NKAIN3: variants seen among roughly 807,000 people sequenced by gnomAD.
The protein encoded by NKAIN3 is sodium/potassium-transporting ATPase subunit beta-1-interacting protein 3.
Under a neutral mutation model 30.2 loss-of-function variants are expected in NKAIN3, and 25 were observed. The observed-to-expected ratio is 0.83, with a 90% CI of 0.60 to 1.16. The LOEUF is 1.16. Among genes scored for constraint, NKAIN3 ranks in the 50% most tolerant of loss-of-function variants. NKAIN3 has a pLI of 0.00. For missense variants in NKAIN3, 225 were observed against 254.1 expected (o/e 0.89, Z 0.78); for synonymous variants, 91 against 89.6 (o/e 1.02, Z -0.09).
Position 62,895,233 on chromosome 8 carries a change from T to C in NKAIN3, c.472-23220T>C, listed in dbSNP as rs549672469. ...AACACAGTCACATTGCTTTTAACTC[T>C]ATCCTCCACATTCATTAGATTTCAG... On this transcript the variant is annotated intron_variant, in intron 4 of 6. Transcript: ENST00000623646. Among the ~76,000 whole-genome samples the C allele has an allele frequency of 2.6e-5, 4 of 152,348 alleles. No homozygotes were observed. In the South Asian group the frequency reaches 8.3e-4, roughly 32 times the overall value.
At chr8:62,491,978 T>C (rs908013711) in intron 1 of NKAIN3, among the ~76,000 whole-genome samples, 1 of 151,938 alleles carries the variant, frequency 6.6e-6, no homozygotes, top group African/African-American at 2.4e-5. Context: ...TCAAGAAAAA[T>C]GGGAACTAAA....
chr8:62,608,986 C>A (rs1048278997), intron 3 of NKAIN3, among the ~76,000 whole-genome samples: 3 of 152,086 alleles, frequency 2.0e-5, no homozygotes, highest in African/African-American at 7.2e-5. Flanking sequence ...GGCAGCATAA[C>A]AGAATGTTTT....
intron 4 of NKAIN3, among the ~76,000 whole-genome samples, chr8:62,753,468 C>A (rs1299933251): frequency 6.6e-6 from 1 of 151,974 alleles, no homozygotes; most frequent in African/African-American, 2.4e-5. Context: ...ACAATGAGAT[C>A]ATTTAAATTA....
rs139955260 is a variant in NKAIN3, at chr8:62,303,381, G to A, written c.54+54254G>A. Among the ~76,000 whole-genome samples the A allele has an allele frequency of 1.5e-3, 225 of 150,488 alleles. 20 individuals carry two copies. The highest frequency in any genetic ancestry group is 5.3e-3 in the African/African-American group (213 of 39,984). On this transcript the variant is annotated intron_variant, in intron 1 of 6. Transcript: ENST00000623646. ...ATTTCCTATCTCATGTATTTTTAAT[G>A]AGATCTTTCCTCCAAAAAGTTGTTT... is the stretch of plus-strand genomic sequence containing the variant.
At chr8:62,611,022 G>T (rs1811273090) in intron 3 of NKAIN3, among the ~76,000 whole-genome samples, 1 of 151,974 alleles carries the variant, frequency 6.6e-6, no homozygotes, top group Non-Finnish European at 1.5e-5. Flanking sequence ...AAATTTCAGT[G>T]GGGGAAAAAA....
At chr8:62,951,709 C>T (rs760641421) in intron 5 of NKAIN3, among the ~76,000 whole-genome samples, 4 of 152,160 alleles carry the variant, frequency 2.6e-5, no homozygotes, top group Non-Finnish European at 5.9e-5. Flanking sequence ...GCAATTCACC[C>T]ACCTTGGCCT....
intron 1 of NKAIN3, among the ~76,000 whole-genome samples, chr8:62,479,830 A>G (rs1806656561): frequency 6.6e-6 from 1 of 152,144 alleles, no homozygotes; most frequent in Non-Finnish European, 1.5e-5. Context: ...ACAAGCTCCA[A>G]TAGTTGCAAG....
At chr8:62,778,810 G>A (rs1817266138) in intron 4 of NKAIN3, among the ~76,000 whole-genome samples, 1 of 151,990 alleles carries the variant, frequency 6.6e-6, no homozygotes, top group Non-Finnish European at 1.5e-5. Context: ...AGCTGGGAAT[G>A]TGCTGGGTCA....
Position 62,410,304 on chromosome 8 carries a change from G to T in NKAIN3, c.54+161177G>T, listed in dbSNP as rs138823291. Among the ~76,000 whole-genome samples the T allele has an allele frequency of 1.1e-3, 166 of 152,226 alleles. 5 individuals are homozygous for T. In the East Asian group the frequency reaches 0.031, roughly 28 times the overall value. ...TGACATGATTTATTATTTTTTTGTG[G>T]CTGTGTAGTATTCCATGGTGTGTAT... On this transcript the variant is annotated intron_variant, in intron 1 of 6. Transcript: ENST00000623646.
intron 1 of NKAIN3, among the ~76,000 whole-genome samples, chr8:62,313,768 CAAA>C (rs1431578170): frequency 6.6e-6 from 1 of 152,108 alleles, no homozygotes. Flanking sequence ...TCAAAGAAGA[CAAA>C]CAGCACAACT....
chr8:62,557,565 A>G (rs1334669605), intron 1 of NKAIN3, among the ~76,000 whole-genome samples: 1 of 152,138 alleles, frequency 6.6e-6, no homozygotes, highest in African/African-American at 2.4e-5. Flanking sequence ...CCACGCCAGC[A>G]TCTACTGGTT....
At position 62,364,828 on chromosome 8, in the gene NKAIN3, C is replaced by CAAAAAAAAAAA. The variant is rs58784999; in HGVS notation, c.54+115714_54+115724dup. On this transcript the variant is annotated intron_variant, in intron 1 of 6. Coordinates refer to ENST00000623646, the MANE Select transcript of NKAIN3 (RefSeq NM_001304533.3). Reference sequence around the variant, plus strand: ...TGTGTGACAGAGCGAGACTCCACTACAAAAAAAAAAAAAAAAAAAAAAATC... The same window carrying CAAAAAAAAAAA: ...TGTGTGACAGAGCGAGACTCCACTACAAAAAAAAAAAAAAAAAAAAAAAAAAAAAAAAAATC... Among the ~76,000 whole-genome samples, 252 of 63,730 alleles carry CAAAAAAAAAAA rather than the reference C, an allele frequency of 4.0e-3. 55 individuals are homozygous for CAAAAAAAAAAA. The highest frequency in any genetic ancestry group is 0.022 in the South Asian group (25 of 1,126). The allele number at this position is 63,730 out of a possible 152,430, so 41.8% of individuals were successfully genotyped here.
chr8:62,413,842 T>G (rs1804343816), intron 1 of NKAIN3, among the ~76,000 whole-genome samples: 1 of 152,168 alleles, frequency 6.6e-6, no homozygotes, highest in Non-Finnish European at 1.5e-5. Flanking sequence ...AGTTATAACT[T>G]CTTATTCTAA....
chr8:62,358,797 CTT>C (rs372253063), intron 1 of NKAIN3, among the ~76,000 whole-genome samples: 1 of 152,300 alleles, frequency 6.6e-6, no homozygotes, highest in African/African-American at 2.4e-5. Context: ...GGCTTACAGA[CTT>C]TGTTAATTTA....
intron 3 of NKAIN3, among the ~76,000 whole-genome samples, chr8:62,707,852 G>A (rs1371425136): frequency 5.3e-5 from 8 of 152,150 alleles, no homozygotes; most frequent in Non-Finnish European, 1.0e-4. Flanking sequence ...AATTTTTATA[G>A]TTTCAGGTCT....
chr8:62,555,011 T>TAC (rs59610407), intron 1 of NKAIN3, among the ~76,000 whole-genome samples: 6,650 of 144,842 alleles, frequency 0.046, 187 homozygotes, highest in Admixed American at 0.074. Context: ...GCAGAATCTA[T>TAC]ACACACACAC....
Position 62,254,153 on chromosome 8 carries a change from C to CGTGTGT in NKAIN3, c.54+5069_54+5074dup, listed in dbSNP as rs10629239. ...AAAATGAATTGTTGTGCTTGGGTAT[C>CGTGTGT]GTGTGTGTGTGTGTGTGTGTGTGTG... On this transcript the variant is annotated intron_variant, in intron 1 of 6. Coordinates refer to ENST00000623646, the MANE Select transcript of NKAIN3 (RefSeq NM_001304533.3). Among the ~76,000 whole-genome samples, 1,033 of 137,026 alleles carry CGTGTGT rather than the reference C, an allele frequency of 7.5e-3. 17 individuals carry two copies. The highest frequency in any genetic ancestry group is 0.016 in the African/African-American group (589 of 36,314). 89.9% of individuals were successfully genotyped at this position (137,026 alleles called of 152,430 possible).
intron 4 of NKAIN3, among the ~76,000 whole-genome samples, chr8:62,899,397 G>C (rs746897801): frequency 3.3e-5 from 5 of 152,136 alleles, no homozygotes; most frequent in Non-Finnish European, 7.4e-5. Context: ...GTACTGTTCA[G>C]CCATAAAAAA....
chr8:62,890,019 C>T (rs1173320732), intron 4 of NKAIN3, among the ~76,000 whole-genome samples: 1 of 152,136 alleles, frequency 6.6e-6, no homozygotes, highest in African/African-American at 2.4e-5. Context: ...TATTCACCTT[C>T]CCAATTAGAG....
Sources: allele counts gnomAD v4.1 joint callset (sites outside exome capture counted in the v4.1 genomes callset), GRCh38; gene constraint gnomAD v4.1.1; transcripts MANE v1.5; gene names NCBI Gene and HGNC (gene_info 2026-07-23, HGNC 2026-07-21).